The following COPG1 variants were observed in gnomAD, a reference collection of about 807,000 sequenced individuals.
The protein encoded by COPG1 is coat protein complex I subunit gamma 1.
A neutral mutation model predicts 102.8 loss-of-function variants in COPG1; 29 were observed. The ratio of observed to expected loss-of-function variants is 0.28; its 90% CI spans 0.21 to 0.38. The LOEUF is 0.38. Ranked by LOEUF, COPG1 falls within the 10% of genes least tolerant of loss-of-function variation. The pLI is 1.00. For missense variants in COPG1, 875 were observed against 1,132.7 expected (o/e 0.77, Z 3.27); for synonymous variants, 406 against 421.6 (o/e 0.96, Z 0.45).
At chr3:129,251,414 C>G (rs1939697508) in intron 2 of COPG1, among the ~76,000 whole-genome samples, 1 of 150,484 alleles carries the variant, frequency 6.6e-6, no homozygotes, top group South Asian at 2.1e-4. Context: ...AGGCGTCTCA[C>G]TCTGTTGCTC....
At chr3:129,267,486 T>C (rs955516262) in intron 15 of COPG1, among the ~76,000 whole-genome samples, 2 of 152,018 alleles carry the variant, frequency 1.3e-5, no homozygotes, top group Non-Finnish European at 2.9e-5. Flanking sequence ...CCAGGTGTGG[T>C]GGCGGGTGCC....
chr3:129,250,751 C>T lies in COPG1; in HGVS notation c.90+17C>T, dbSNP rs752549568. The T allele has an allele frequency of 5.0e-6, 8 of 1,608,870 alleles. No homozygotes were observed. Among genetic ancestry groups the T allele is most frequent in the Admixed American group, 3.3e-5 (2 of 59,958 alleles). ...CTCCAGGAGGCAAGTGACATTTGCT[C>T]CCCTCTAGCTTCCATCATAAATATT... On this transcript the variant is annotated intron_variant, in intron 2 of 23. Coordinates refer to ENST00000314797, the MANE Select transcript of COPG1 (RefSeq NM_016128.4).
chr3:129,259,229 G>A (rs1051027834), intron 10 of COPG1, among the ~76,000 whole-genome samples: 2 of 152,098 alleles, frequency 1.3e-5, no homozygotes, highest in Admixed American at 6.5e-5. Context: ...TTGGGAGGCC[G>A]AGGCAGGGGG....
chr3:129,268,929 C>A lies in COPG1; in HGVS notation c.1775-3C>A. The A allele has an allele frequency of 6.2e-7, 1 of 1,614,012 alleles. No homozygotes were observed. Among genetic ancestry groups the A allele is most frequent in the Non-Finnish European group, 8.5e-7 (1 of 1,179,896 alleles). ...TCATCACGTGTATAATTTGCTCCTGCAGAAAGTACCCCCATCACAGCAGTC... is the reference window on the plus strand; with the variant it reads ...TCATCACGTGTATAATTTGCTCCTGAAGAAAGTACCCCCATCACAGCAGTC... On this transcript the variant is annotated splice_polypyrimidine_tract_variant and splice_region_variant and intron_variant, in intron 17 of 23. Coordinates refer to ENST00000314797, the MANE Select transcript of COPG1 (RefSeq NM_016128.4).
intron 2 of COPG1, 159 bp downstream of exon 2, chr3:129,250,893 GAGTT>G (rs1186720116): frequency 2.5e-6 from 1 of 398,536 alleles, no homozygotes; most frequent in Non-Finnish European, 4.9e-6. Flanking sequence ...TTTCTGGAGA[GAGTT>G]AGTTATGCTT....
chr3:129,257,960 A>C, intron 10 of COPG1, 100 bp downstream of exon 10: 3 of 1,428,382 alleles, frequency 2.1e-6, no homozygotes, highest in South Asian at 1.3e-5. Flanking sequence ...GCTCTTAACA[A>C]GTGTTAAGGA....
intron 23 of COPG1, among the ~76,000 whole-genome samples, chr3:129,276,602 C>T (rs1416490616): frequency 6.6e-6 from 1 of 152,204 alleles, no homozygotes; most frequent in African/African-American, 2.4e-5. Context: ...ACCTAGTCCC[C>T]TGGGTCTTGC....
At position 129,275,968 on chromosome 3, in the gene COPG1, G is replaced by A. The variant is rs561326749; in HGVS notation, c.2494+676G>A. Among the ~76,000 whole-genome samples, 144 of 137,012 alleles carry A rather than the reference G, an allele frequency of 1.1e-3. 2 individuals carry two copies. In the South Asian group the frequency reaches 0.029, roughly 28 times the overall value. 89.9% of individuals were successfully genotyped at this position (137,012 alleles called of 152,430 possible). A position where few individuals can be genotyped will look rare whatever the true frequency, so the allele number is the denominator to read the frequency against. The stretch of plus-strand genomic sequence containing the variant: ...ATTACAGATGTTACAGTAAATAATC[G>A]TGTACACACACACACACACACACAC... On this transcript the variant is annotated intron_variant, in intron 23 of 23. Transcript: ENST00000314797. This position sits in a 1 kb window ranked among gnomAD's most constrained non-coding sequence, Gnocchi z 5.0.
At chr3:129,261,681 C>A (rs144889671) in intron 12 of COPG1, among the ~76,000 whole-genome samples, 4 of 152,216 alleles carry the variant, frequency 2.6e-5, no homozygotes, top group African/African-American at 4.8e-5. Flanking sequence ...AGGAAAGTGA[C>A]ACTGGCATGA....
chr3:129,275,241 A>T lies in COPG1; in HGVS notation c.2443A>T (p.Arg815Trp). 6.2e-7 allele frequency: 1 copy of T among 1,614,222 alleles called. No individual in the cohort carries two copies. The highest frequency in any genetic ancestry group is 1.1e-5 in the South Asian group (1 of 91,078). ...VKFLGMHPCE[R>W]SDKVPDNKNT... Reference sequence around the variant, plus strand: ...GTTCTTGGGAATGCACCCTTGTGAGAGGTCAGACAAAGTGCCGGATAACAA... The same window carrying T: ...GTTCTTGGGAATGCACCCTTGTGAGTGGTCAGACAAAGTGCCGGATAACAA... Residue 815 changes from arginine (R) to tryptophan (W), a missense_variant, in exon 23 of 24, where the codon AGG (arginine) becomes TGG (tryptophan). By Grantham distance (101) the Arg-to-Trp change is moderately radical. Coordinates refer to ENST00000314797, the MANE Select transcript of COPG1 (RefSeq NM_016128.4). The surrounding 1 kb of genome is among the most constrained non-coding windows in gnomAD (Gnocchi z 5.0).
Position 129,272,433 on chromosome 3 carries a change from T to TA in COPG1, c.2158+19dup. The TA allele has an allele frequency of 6.2e-7, 1 of 1,605,808 alleles. No individual in the cohort carries two copies. Among genetic ancestry groups the TA allele is most frequent in the South Asian group, 1.1e-5 (1 of 90,116 alleles). On this transcript the variant is annotated intron_variant, in intron 20 of 23. Coordinates refer to ENST00000314797, the MANE Select transcript of COPG1 (RefSeq NM_016128.4). ...CACAGCTGGTGAGCCCCTCTCCAGA[T>TA]ACCACCCTATCCTCCTGGGAGCTCA...
chr3:129,253,160 TG>T, intron 5 of COPG1: 2 of 521,950 alleles, frequency 3.8e-6, no homozygotes. Context: ...TGGACACAAA[TG>T]CTTCCTTTTC....
intron 16 of COPG1, 60 bp downstream of exon 16, chr3:129,268,100 C>T: frequency 7.1e-7 from 1 of 1,405,354 alleles, no homozygotes; most frequent in Non-Finnish European, 1.0e-6. Flanking sequence ...GTTCTCATCA[C>T]TCCCTGGGCA....
Position 129,252,259 on chromosome 3 carries a change from A to G in COPG1, c.91-22A>G, listed in dbSNP as rs758779886. 3.9e-6 allele frequency: 6 copies of G among 1,529,376 alleles called. No homozygotes were observed. In the African/African-American group the frequency reaches 6.9e-5, roughly 18 times the overall value. The allele number at this position is 1,529,376 out of a possible 1,614,324, so 94.7% of individuals were successfully genotyped here. The stretch of plus-strand genomic sequence containing the variant: ...GAAATGAACTAGGCTAGAAGGTAAC[A>G]TCTTTGGTCATTTCTTCTTAGGCCC... On this transcript the variant is annotated intron_variant, in intron 2 of 23. Transcript: ENST00000314797.
At chr3:129,268,768 T>TA (rs1940121265) in intron 17 of COPG1, 148 bp downstream of exon 17, 1 of 1,151,400 alleles carries the variant, frequency 8.7e-7, no homozygotes, top group African/African-American at 1.5e-5. Flanking sequence ...CTCCAGAAAA[T>TA]AGAGACACAC....
intron 13 of COPG1, among the ~76,000 whole-genome samples, chr3:129,264,902 A>T (rs1400235535): frequency 1.3e-5 from 2 of 148,966 alleles, no homozygotes; most frequent in African/African-American, 5.0e-5. Context: ...GCTCACTGCA[A>T]CCTCCACCTC....
rs201750714 is a variant in COPG1, at chr3:129,260,319, C to G, written c.872-14C>G. ...GTGAAGGCAACCTGACATGTGGCAT[C>G]CATCTCCCCACAGTGCTCCAGCTTT... On this transcript the variant is annotated splice_polypyrimidine_tract_variant and intron_variant, in intron 10 of 23. Coordinates refer to ENST00000314797, the MANE Select transcript of COPG1 (RefSeq NM_016128.4). The G allele has an allele frequency of 3.7e-6, 6 of 1,613,342 alleles. No individual in the cohort carries two copies. The East Asian group carries it at 1.3e-4, about 36-fold the overall frequency.
chr3:129,251,993 C>T (rs1939709495), intron 2 of COPG1, among the ~76,000 whole-genome samples: 1 of 152,216 alleles, frequency 6.6e-6, no homozygotes. Context: ...CCGCTTCTTT[C>T]TTTATTGTTG....
intron 10 of COPG1, among the ~76,000 whole-genome samples, chr3:129,259,698 T>C (rs1560064232): frequency 6.6e-6 from 1 of 152,182 alleles, no homozygotes; most frequent in Non-Finnish European, 1.5e-5. Flanking sequence ...TTCGCTCCTA[T>C]GATTGAGTGC....
Sources: allele counts gnomAD v4.1 joint callset (sites outside exome capture counted in the v4.1 genomes callset), GRCh38; gene constraint gnomAD v4.1.1; non-coding constraint Gnocchi (gnomAD v3.1); transcripts MANE v1.5; gene names NCBI Gene and HGNC (gene_info 2026-07-23, HGNC 2026-07-21).